Variants in CLEC4C observed in about 807,000 individuals in gnomAD.
The protein encoded by CLEC4C is C-type (calcium dependent, carbohydrate-recognition domain) lectin, superfamily member 11.
A neutral mutation model predicts 27.7 loss-of-function variants in CLEC4C; 17 were observed. That is an observed-to-expected ratio of 0.61 (90% CI 0.42 to 0.92). CLEC4C has a LOEUF of 0.92. Among genes scored for constraint, CLEC4C ranks in the 40% least tolerant of loss-of-function variants. CLEC4C has a pLI of 0.00. For missense variants in CLEC4C, 244 were observed against 257.3 expected, an observed-to-expected ratio of 0.95 and a Z score of 0.35; for synonymous variants, 80 against 80.8, an observed-to-expected ratio of 0.99 and a Z score of 0.06.
intron 4 of CLEC4C, among the ~76,000 whole-genome samples, chr12:7,731,120 T>C (rs1389765721): frequency 6.6e-6 from 1 of 152,076 alleles, no homozygotes; most frequent in African/African-American, 2.4e-5. Context: ...AGGAAAAGTC[T>C]CTTGGGTAAC....
intron 2 of CLEC4C, among the ~76,000 whole-genome samples, chr12:7,743,533 C>T (rs374726154): frequency 8.4e-4 from 128 of 151,610 alleles, no homozygotes; most frequent in African/African-American, 2.9e-3. Flanking sequence ...TACAGGCGCC[C>T]GCCACCGCGC....
intron 4 of CLEC4C, 88 bp downstream of exon 4, chr12:7,737,341 G>A: frequency 1.6e-6 from 1 of 630,432 alleles, no homozygotes; most frequent in Non-Finnish European, 2.2e-6. Context: ...TTTTTTTCCT[G>A]TCTTTGAACT....
chr12:7,743,437 T>C (rs990139140), intron 2 of CLEC4C, among the ~76,000 whole-genome samples: 6 of 151,352 alleles, frequency 4.0e-5, no homozygotes, highest in Non-Finnish European at 7.4e-5. Context: ...CAGGCTGGAG[T>C]GCAGTGGCGC....
Position 7,738,069 on chromosome 12 carries a change from T to A in CLEC4C, c.236-495A>T, listed in dbSNP as rs772267113. 2.6e-5 allele frequency among the ~76,000 whole-genome samples: 4 copies of A among 152,324 alleles called. No individual in the cohort carries two copies. The South Asian group carries it at 8.3e-4, about 32-fold the overall frequency. On this transcript the variant is annotated intron_variant, in intron 3 of 5. Coordinates refer to ENST00000360345, the MANE Select transcript of CLEC4C (RefSeq NM_001371390.1). ...TGGTCATATATGAACCATGTCCACA[T>A]CTTTAGCAAAAATAAGCTTCGCAAT... is the stretch of plus-strand genomic sequence containing the variant.
intron 4 of CLEC4C, among the ~76,000 whole-genome samples, chr12:7,733,679 C>T (rs1053367599): frequency 6.6e-6 from 1 of 151,216 alleles, no homozygotes; most frequent in Non-Finnish European, 1.5e-5. Context: ...GACGGGGTTT[C>T]ACCATATTAG....
intron 5 of CLEC4C, 47 bp downstream of exon 5, chr12:7,730,750 C>T (rs763029161): frequency 3.2e-5 from 31 of 958,298 alleles, no homozygotes; most frequent in Non-Finnish European, 4.4e-5. Context: ...CACCCTAAAC[C>T]CCTACATGAT....
intron 2 of CLEC4C, among the ~76,000 whole-genome samples, chr12:7,745,683 T>G (rs1276427216): frequency 6.6e-6 from 1 of 151,682 alleles, no homozygotes; most frequent in African/African-American, 2.4e-5. Context: ...TCTGCCTGCC[T>G]TGGCCTCCCG....
upstream of CLEC4C, chr12:7,747,392 C>A: frequency 6.2e-7 from 1 of 1,603,638 alleles, no homozygotes; most frequent in Non-Finnish European, 8.5e-7. Context: ...CAGGTGGGTG[C>A]AGAAGCTCTT....
chr12:7,730,770 G>T, intron 5 of CLEC4C, 27 bp downstream of exon 5: 1 of 1,165,422 alleles, frequency 8.6e-7, no homozygotes, highest in East Asian at 2.3e-5. Flanking sequence ...TCAGGACCCA[G>T]TGTCCTTTAC....
upstream of CLEC4C, chr12:7,749,513 C>G (rs1408570491): frequency 6.6e-6 from 1 of 151,754 alleles, no homozygotes; most frequent in African/African-American, 2.4e-5. Context: ...CGTAATCGTA[C>G]CACTTCACTC....
rs890493857 is a variant in CLEC4C, at chr12:7,729,462, G to A, written c.*134C>T. The A allele has an allele frequency of 2.8e-5, 19 of 688,816 alleles. No homozygotes were observed. Among genetic ancestry groups the A allele is most frequent in the Middle Eastern group, 3.9e-4 (1 of 2,534 alleles). 42.7% of individuals were successfully genotyped at this position (688,816 alleles called of 1,614,324 possible). A position where few individuals can be genotyped will look rare whatever the true frequency, so the allele number is the denominator to read the frequency against. ...TGTGTGAATGGATTATATCATAAGTGTAATAGGTGACAGCCTGCTGAAACA... is the reference window on the plus strand; with the variant it reads ...TGTGTGAATGGATTATATCATAAGTATAATAGGTGACAGCCTGCTGAAACA... On this transcript the variant is annotated 3_prime_UTR_variant, in exon 6 of 6. Coordinates refer to ENST00000360345, the MANE Select transcript of CLEC4C (RefSeq NM_001371390.1).
chr12:7,732,499 G>A lies in CLEC4C; in HGVS notation c.382-1587C>T, dbSNP rs888510483. 5.3e-5 allele frequency among the ~76,000 whole-genome samples: 8 copies of A among 150,196 alleles called. No homozygotes were observed. In the East Asian group the frequency reaches 1.0e-3, roughly 19 times the overall value. On this transcript the variant is annotated intron_variant, in intron 4 of 5. Transcript: ENST00000360345. Reference sequence around the variant, plus strand: ...CCAGAGTAGCTGGGATTACACGCACGAGCCACCATGCCCAGCTAATTTTTT... The same window carrying A: ...CCAGAGTAGCTGGGATTACACGCACAAGCCACCATGCCCAGCTAATTTTTT...
chr12:7,736,401 GAAGGT>G (rs1864726712), intron 4 of CLEC4C, among the ~76,000 whole-genome samples: 1 of 152,162 alleles, frequency 6.6e-6, no homozygotes, highest in Non-Finnish European at 1.5e-5. Flanking sequence ...ATGTTGAAAA[GAAGGT>G]AAGAAATGCA....
At chr12:7,746,618 G>A (rs560090717) in intron 1 of CLEC4C, among the ~76,000 whole-genome samples, 195 bp from the exon 2 acceptor site, 1 of 152,174 alleles carries the variant, frequency 6.6e-6, no homozygotes, top group Non-Finnish European at 1.5e-5. Flanking sequence ...TGGAACCCAA[G>A]ACAAATCCAG....
intron 4 of CLEC4C, among the ~76,000 whole-genome samples, chr12:7,736,777 C>T (rs1864735293): frequency 1.3e-5 from 2 of 151,984 alleles, no homozygotes; most frequent in Admixed American, 1.3e-4. Context: ...GGCGTGGTGG[C>T]AGGTGCCTGT....
Position 7,729,612 on chromosome 12 carries a change from T to C in CLEC4C, c.626A>G (p.Lys209Arg). ...HVPQKSICKM[K>R]KIYI Reference sequence around the variant, plus strand: ...ATATTTCATTTATATGTAGATCTTCTTCATCTTGCAAATTGACTTCTGAGG... The same window carrying C: ...ATATTTCATTTATATGTAGATCTTCCTCATCTTGCAAATTGACTTCTGAGG... Residue 209 changes from lysine to arginine, a missense_variant, in exon 6 of 6, where the codon AAG becomes AGG. Lys to Arg is a conservative substitution (Grantham distance 26, BLOSUM62 2). Transcript: ENST00000360345. 1 of 1,613,722 alleles carries C rather than the reference T, an allele frequency of 6.2e-7. No homozygotes were observed. The highest frequency in any genetic ancestry group is 8.5e-7 in the Non-Finnish European group (1 of 1,179,840).
intron 2 of CLEC4C, among the ~76,000 whole-genome samples, chr12:7,744,984 A>G (rs2061477901): frequency 6.6e-6 from 1 of 152,148 alleles, no homozygotes; most frequent in South Asian, 2.1e-4. Context: ...CAATTATAGC[A>G]TCATAGAAAG....
At chr12:7,731,781 T>G (rs2120363297) in intron 4 of CLEC4C, among the ~76,000 whole-genome samples, 1 of 152,304 alleles carries the variant, frequency 6.6e-6, no homozygotes, top group Non-Finnish European at 1.5e-5. Flanking sequence ...CTGCATGTAG[T>G]GAGGAAATTC....
At chr12:7,733,265 ATT>A (rs756061476) in intron 4 of CLEC4C, among the ~76,000 whole-genome samples, 8 of 143,682 alleles carry the variant, frequency 5.6e-5, no homozygotes, top group Non-Finnish European at 3.1e-5. Context: ...AGAAAGCCAA[ATT>A]TTTTTTTTTT....
Sources: allele counts gnomAD v4.1 joint callset (sites outside exome capture counted in the v4.1 genomes callset), GRCh38; gene constraint gnomAD v4.1.1; transcripts MANE v1.5; gene names NCBI Gene and HGNC (gene_info 2026-07-23, HGNC 2026-07-21).